The following CTNNA2 variants were observed in gnomAD, a reference collection of about 807,000 sequenced individuals.
CTNNA2 encodes catenin alpha 2, also known as catenin alpha-2.
Under a neutral mutation model 101.0 loss-of-function variants are expected in CTNNA2, and 42 were observed. The ratio of observed to expected loss-of-function variants is 0.42; its 90% CI spans 0.32 to 0.54. The LOEUF (loss-of-function observed/expected upper bound fraction) is 0.54. Among genes scored for constraint, CTNNA2 ranks in the 20% least tolerant of loss-of-function variants. CTNNA2 has a pLI of 0.14. For missense variants in CTNNA2, 871 were observed against 1,223.1 expected, an observed-to-expected ratio of 0.71 and a Z score of 4.29; for synonymous variants, 450 against 456.4, an observed-to-expected ratio of 0.99 and a Z score of 0.18.
rs574538080 is a variant in CTNNA2 at position 80,298,145 on chromosome 2, C to T, written c.1057-95066C>T. The T allele has an allele frequency of 1.1e-4, 16 of 151,996 alleles. 1 individual carries two copies. Among genetic ancestry groups the T allele is most frequent in the Admixed American group, 1.0e-3 (16 of 15,242 alleles). 9.4% of individuals were successfully genotyped at this position (151,996 alleles called of 1,614,324 possible). ...AGTGTGTGTGTATATTTCAGAAGCA[C>T]ATTTAATGGTCATATTCTAGCTAAT... is the stretch of plus-strand genomic sequence containing the variant. On this transcript the variant is annotated intron_variant, in intron 7 of 18. Transcript: ENST00000402739.
intron 3 of CTNNA2, among the ~76,000 whole-genome samples, chr2:79,786,862 C>G (rs564178841): frequency 4.6e-5 from 7 of 152,226 alleles, no homozygotes; most frequent in African/African-American, 1.7e-4. Flanking sequence ...ATTCCTGCCT[C>G]TGAACTGTTT....
At chr2:79,224,442 A>C (rs1356241575) in intron 2 of CTNNA2, among the ~76,000 whole-genome samples, 1 of 152,162 alleles carries the variant, frequency 6.6e-6, no homozygotes, top group Admixed American at 6.5e-5. Flanking sequence ...ACTCTCTTTG[A>C]TTTATCAGTT....
In CTNNA2 at chr2:79,328,942, A is replaced by G. The variant is rs79687544; in HGVS notation, c.-318+16146A>G. On this transcript the variant is annotated intron_variant, in intron 3 of 21. Transcript: ENST00000466387. Reference sequence around the variant, plus strand: ...TAATTCCTTGGCTTGTGACAACATAATTTTAATCTCTGCCTCTGTCTTCAC... The same window carrying G: ...TAATTCCTTGGCTTGTGACAACATAGTTTTAATCTCTGCCTCTGTCTTCAC... Among the ~76,000 whole-genome samples, 446 of 152,192 alleles carry G rather than the reference A, an allele frequency of 2.9e-3. 10 individuals are homozygous for G. The East Asian group carries it at 0.071, about 24-fold the overall frequency.
chr2:79,759,987 T>G (rs897458785), intron 3 of CTNNA2, among the ~76,000 whole-genome samples: 12 of 152,200 alleles, frequency 7.9e-5, no homozygotes, highest in African/African-American at 2.9e-4. Flanking sequence ...TTAAAGCTAT[T>G]CATTTTAAGG....
chr2:80,507,196 G>T (rs1182775918), intron 9 of CTNNA2, among the ~76,000 whole-genome samples: 1 of 152,154 alleles, frequency 6.6e-6, no homozygotes, highest in African/African-American at 2.4e-5. Context: ...TCATAGGGTT[G>T]CAGTACGAAT....
intron 2 of CTNNA2, among the ~76,000 whole-genome samples, chr2:79,296,106 TGGAGAGGTGA>T: frequency 2.0e-5 from 3 of 152,182 alleles, no homozygotes; most frequent in African/African-American, 7.2e-5. Flanking sequence ...ACAAAAATAT[TGGAGAGGTGA>T]GGAAGAAGGT....
chr2:80,504,088 T>C (rs1180655143), intron 9 of CTNNA2, among the ~76,000 whole-genome samples: 1 of 152,218 alleles, frequency 6.6e-6, no homozygotes, highest in Non-Finnish European at 1.5e-5. Flanking sequence ...ATGGTTTAGT[T>C]AGGTTGTCTG....
chr2:80,593,510 A>G (rs1696691143), intron 15 of CTNNA2, among the ~76,000 whole-genome samples: 1 of 152,116 alleles, frequency 6.6e-6, no homozygotes, highest in African/African-American at 2.4e-5. Flanking sequence ...GGTATACATC[A>G]TGAAGTTTAC....
chr2:79,823,375 G>A (rs976324726), intron 3 of CTNNA2, among the ~76,000 whole-genome samples: 1 of 152,076 alleles, frequency 6.6e-6, no homozygotes. Context: ...AACCATAATC[G>A]TGCATGGTAT....
In CTNNA2 at chr2:79,267,833, C is replaced by T. The variant is rs1675006006; in HGVS notation, c.-405-44876C>T. Among the ~76,000 whole-genome samples, 3 of 152,180 alleles carry T rather than the reference C, an allele frequency of 2.0e-5. No homozygotes were observed. The South Asian group carries it at 6.2e-4, about 32-fold the overall frequency. ...TCCTGGAAAAGCCCCTGGAGATAAT[C>T]CTAATGTGTATTTGAGATGGCTCCT... On this transcript the variant is annotated intron_variant, in intron 2 of 21. Transcript: ENST00000466387.
chr2:79,608,628 C>G (rs1011551252), intron 1 of CTNNA2, among the ~76,000 whole-genome samples: 18 of 146,718 alleles, frequency 1.2e-4, no homozygotes, highest in African/African-American at 3.8e-4. Flanking sequence ...TTAGTGTAAT[C>G]ATTATATTAA....
intron 4 of CTNNA2, among the ~76,000 whole-genome samples, chr2:79,475,467 T>G (rs746115901): frequency 1.3e-5 from 2 of 152,172 alleles, no homozygotes; most frequent in Non-Finnish European, 2.9e-5. Context: ...GTTCACAAAG[T>G]GCTAGCATTG....
intron 2 of CTNNA2, among the ~76,000 whole-genome samples, chr2:79,238,772 AT>A (rs773177015): frequency 7.0e-4 from 107 of 152,328 alleles, no homozygotes; most frequent in Admixed American, 2.2e-3. Context: ...CCATTATCAT[AT>A]TGGGTCTTTA....
intron 2 of CTNNA2, among the ~76,000 whole-genome samples, chr2:79,698,704 A>G (rs1684801134): frequency 6.6e-6 from 1 of 152,070 alleles, no homozygotes; most frequent in Non-Finnish European, 1.5e-5. Context: ...AGAGCAAGAT[A>G]CCAAAAGGGA....
chr2:79,716,598 G>A (rs539289762), intron 2 of CTNNA2, among the ~76,000 whole-genome samples: 46 of 152,242 alleles, frequency 3.0e-4, no homozygotes, highest in African/African-American at 1.1e-3. Flanking sequence ...TGAGGTTAAT[G>A]GTAGTCTTAA....
At chr2:80,330,667 G>C (rs1193940620) in intron 7 of CTNNA2, among the ~76,000 whole-genome samples, 1 of 152,134 alleles carries the variant, frequency 6.6e-6, no homozygotes, top group Non-Finnish European at 1.5e-5. Context: ...TGCTGTGGGT[G>C]GAGTGTTAAG....
At chr2:79,211,809 G>T (rs570021303) in intron 2 of CTNNA2, among the ~76,000 whole-genome samples, 17 of 152,284 alleles carry the variant, frequency 1.1e-4, no homozygotes, top group Middle Eastern at 3.4e-3. Flanking sequence ...GTGGTTAAGT[G>T]TTGGGATGGC....
chr2:79,735,756 C>T (rs930915581), intron 2 of CTNNA2, among the ~76,000 whole-genome samples: 1 of 152,130 alleles, frequency 6.6e-6, no homozygotes, highest in Non-Finnish European at 1.5e-5. Context: ...AAAACCATAT[C>T]TTCAAGGTTT....
chr2:79,280,664 A>AGAGAGG lies in CTNNA2; in HGVS notation c.-405-32040_-405-32039insGGAGAG, dbSNP rs1675346622. On this transcript the variant is annotated intron_variant, in intron 2 of 21. Transcript: ENST00000466387. ...GTGTGTGTGTGTGTGTGTAAGAGAA[A>AGAGAGG]GAGAGAGAGAGAGAGAGAGAAAGAG... 2.6e-4 allele frequency among the ~76,000 whole-genome samples: 8 copies of AGAGAGG among 30,956 alleles called. No homozygotes were observed. The South Asian group carries it at 9.3e-3, about 36-fold the overall frequency. 20.3% of individuals were successfully genotyped at this position (30,956 alleles called of 152,430 possible). A position where few individuals can be genotyped will look rare whatever the true frequency, so the allele number is the denominator to read the frequency against.
Sources: allele counts gnomAD v4.1 joint callset (sites outside exome capture counted in the v4.1 genomes callset), GRCh38; gene constraint gnomAD v4.1.1; transcripts MANE v1.5; gene names NCBI Gene and HGNC (gene_info 2026-07-23, HGNC 2026-07-21).